PSMB10: variants seen among roughly 807,000 people sequenced by gnomAD.
PSMB10 encodes the protein proteasome 20S subunit beta 10.
Under a neutral mutation model 29.8 loss-of-function variants are expected in PSMB10, and 29 were observed. That is an observed-to-expected ratio of 0.97 (90% confidence interval 0.73 to 1.33). The LOEUF (loss-of-function observed/expected upper bound fraction) is 1.33, where lower values mean the gene tolerates loss of function less well. Ranked by LOEUF, PSMB10 falls within the 40% of genes most tolerant of loss-of-function variation. The pLI is 0.00. For synonymous variants in PSMB10, 157 were observed against 164.7 expected (o/e 0.95, Z 0.36); for missense variants, 327 against 369.2 (o/e 0.89, Z 0.94).
rs2058260470 is a variant in PSMB10, at chr16:67,935,697, C to T, written c.384G>A (p.Arg128=). 1 of 1,613,536 alleles carries T rather than the reference C, an allele frequency of 6.2e-7. No individual in the cohort carries two copies. The highest frequency in any genetic ancestry group is 8.5e-7 in the Non-Finnish European group (1 of 1,179,936). Residue 128 remains arginine, a splice_region_variant and synonymous_variant, in exon 5 of 8, where the codon AGG becomes AGA. Coordinates refer to ENST00000358514, the MANE Select transcript of PSMB10 (RefSeq NM_002801.4). ...VTRILRQTLF[R]YQGHVGASLI... ...GCGATGCACCCACGTGGCCCTGGTA[C>T]CTGCTCGAGGATGGGCGGGGTCGGC...
chr16:67,935,824 C>A, intron 4 of PSMB10, 127 bp from the exon 5 acceptor site: 1 of 1,480,604 alleles, frequency 6.8e-7, no homozygotes, highest in East Asian at 2.4e-5. Flanking sequence ...TCGCCTTTTC[C>A]TGTAGCCCAG....
At chr16:67,936,611 CT>C in intron 1 of PSMB10, 82 bp downstream of exon 1, 9 of 1,461,624 alleles carry the variant, frequency 6.2e-6, no homozygotes, top group Non-Finnish European at 7.4e-6. Context: ...CCAACACACC[CT>C]CCCCCACCCC....
At position 67,936,494 on chromosome 16, in the gene PSMB10, G is replaced by A. The variant is rs1264256418; in HGVS notation, c.57-9C>T. 6.2e-6 allele frequency: 10 copies of A among 1,609,774 alleles called. No homozygotes were observed. Among genetic ancestry groups the A allele is most frequent in the Non-Finnish European group, 7.6e-6 (9 of 1,177,828 alleles). On this transcript the variant is annotated splice_polypyrimidine_tract_variant and intron_variant, in intron 1 of 7. Coordinates refer to ENST00000358514, the MANE Select transcript of PSMB10 (RefSeq NM_002801.4). ...GTTCCAATGATGCATTTCTGGAAAC[G>A]GAGGAGGGCGCCCATGTTTCGGCTC...
chr16:67,934,963 G>C lies in PSMB10; in HGVS notation c.559-15C>G. ...GCAGCCTCCAGCTGCGGTGATGGGT[G>C]TGTGAGACCTAACGGGCTCTCTCTG... is the stretch of plus-strand genomic sequence containing the variant. On this transcript the variant is annotated splice_polypyrimidine_tract_variant and intron_variant, in intron 6 of 7. Transcript: ENST00000358514. This position sits in a 1 kb window ranked among gnomAD's most constrained non-coding sequence, Gnocchi z 4.3. 2 of 1,607,854 alleles carry C rather than the reference G, an allele frequency of 1.2e-6. No homozygotes were observed. The highest frequency in any genetic ancestry group is 1.7e-6 in the Non-Finnish European group (2 of 1,179,626).
At chr16:67,935,553 G>T (rs1598199742) in intron 5 of PSMB10, 29 bp downstream of exon 5, 1 of 1,613,956 alleles carries the variant, frequency 6.2e-7, no homozygotes, top group Non-Finnish European at 8.5e-7. Flanking sequence ...CAGGGGCAGA[G>T]TTCGAGGAGA....
In PSMB10 at chr16:67,936,471, T is replaced by A; in HGVS notation, c.71A>T (p.Glu24Val). ...GACCTTGAGCCCCGGGAGGACGCGT[T>A]CCAATGATGCATTTCTGGAAACGGA... is the stretch of plus-strand genomic sequence containing the variant. ...FENCQRNASLERVLPGLKVPH... is the reference protein window; with the variant it reads ...FENCQRNASLVRVLPGLKVPH... Residue 24 changes from glutamate (E) to valine (V), a missense_variant, in exon 2 of 8, where the codon GAA (glutamate) becomes GTA (valine). Coordinates refer to ENST00000358514, the MANE Select transcript of PSMB10 (RefSeq NM_002801.4). 6.2e-7 allele frequency: 1 copy of A among 1,613,362 alleles called. No homozygotes were observed. The highest frequency in any genetic ancestry group is 1.1e-5 in the South Asian group (1 of 91,020).
chr16:67,935,309 C>T, intron 6 of PSMB10, 111 bp downstream of exon 6: 5 of 1,355,728 alleles, frequency 3.7e-6, no homozygotes, highest in Non-Finnish European at 5.1e-6. Flanking sequence ...TCAGTGGTCA[C>T]CTCCTCCGAC....
At chr16:67,935,127 A>G (rs2058257839) in intron 6 of PSMB10, 179 bp from the exon 7 acceptor site, 7 of 818,206 alleles carry the variant, frequency 8.6e-6, no homozygotes, top group Non-Finnish European at 1.3e-5. Flanking sequence ...TCCCACCCCA[A>G]ACAAAATCTA....
At chr16:67,935,175 C>G (rs2058258023) in intron 6 of PSMB10, 2 of 701,118 alleles carry the variant, frequency 2.9e-6, no homozygotes, top group Non-Finnish European at 4.7e-6. Context: ...CCTACTGGTC[C>G]TTCTCTCCGC....
In PSMB10 at chr16:67,936,190, CG is replaced by C. The variant is rs747274038; in HGVS notation, c.242+24del. 3.0e-5 allele frequency: 48 copies of C among 1,612,606 alleles called. No individual in the cohort carries two copies. The East Asian group carries it at 1.0e-3, about 35-fold the overall frequency. On this transcript the variant is annotated intron_variant, in intron 3 of 7. Coordinates refer to ENST00000358514, the MANE Select transcript of PSMB10 (RefSeq NM_002801.4). ...CGAGGGGGCCGTTCTTTTTTGCGTACGGGAACTGGGCTCGGGAGTCTCACTA... is the reference window on the plus strand; with the variant it reads ...CGAGGGGGCCGTTCTTTTTTGCGTACGGAACTGGGCTCGGGAGTCTCACTA...
At position 67,936,292 on chromosome 16, in the gene PSMB10, G is replaced by A. The variant is rs2058263618; in HGVS notation, c.165C>T (p.Ala55=). Residue 55 remains alanine (A), a synonymous_variant, in exon 3 of 8, where the codon GCC becomes GCT. Coordinates refer to ENST00000358514, the MANE Select transcript of PSMB10 (RefSeq NM_002801.4). ...LVFQDGVILG[A]DTRATNDSVV... ...CCGAATCGTTAGTGGCTCGCGTATC[G>A]GCGCCCAGAATGACCCCGTCCTGAG... is the stretch of plus-strand genomic sequence containing the variant. The A allele has an allele frequency of 6.2e-7, 1 of 1,613,070 alleles. No homozygotes were observed. The highest frequency in any genetic ancestry group is 1.7e-5 in the Admixed American group (1 of 59,968).
Position 67,934,941 on chromosome 16 carries a change from G to A in PSMB10, c.566C>T (p.Ala189Val), listed in dbSNP as rs1423475082. 4.3e-6 allele frequency: 7 copies of A among 1,611,110 alleles called. No individual in the cohort carries two copies. Among genetic ancestry groups the A allele is most frequent in the African/African-American group, 1.3e-5 (1 of 75,036 alleles). The change falls in exon 7 of 8, where the codon GCT becomes GTT. Residue 189 changes from alanine to valine, a missense_variant. By Grantham distance (64) the Ala-to-Val change is moderately conservative. Coordinates refer to ENST00000358514, the MANE Select transcript of PSMB10 (RefSeq NM_002801.4). The surrounding 1 kb of genome is among the most constrained non-coding windows in gnomAD (Gnocchi z 4.3). The stretch of plus-strand genomic sequence containing the variant: ...GGCTTCCACCAGCAGCCCCTGAGCA[G>A]CCTCCAGCTGCGGTGATGGGTGTGT... ...DRFQPNMTLE[A>V]AQGLLVEAVT...
intron 5 of PSMB10, 44 bp from the exon 6 acceptor site, chr16:67,935,522 TTTGGA>T: frequency 6.2e-7 from 1 of 1,613,904 alleles, no homozygotes; most frequent in Non-Finnish European, 8.5e-7. Flanking sequence ...TGCGACGCCG[TTTGGA>T]GTGAGGCCAA....
Position 67,935,617 on chromosome 16 carries a change from T to C in PSMB10, c.464A>G (p.His155Arg), listed in dbSNP as rs750969201. 2.7e-5 allele frequency: 44 copies of C among 1,614,088 alleles called. No individual in the cohort carries two copies. Among genetic ancestry groups the C allele is most frequent in the Non-Finnish European group, 3.7e-5 (44 of 1,180,044 alleles). Residue 155 changes from histidine (H) to arginine (R), a missense_variant, in exon 5 of 8, where the codon CAT becomes CGT. Coordinates refer to ENST00000358514, the MANE Select transcript of PSMB10 (RefSeq NM_002801.4). ...TGPQLYGVHP[H>R]GSYSRLPFTA... ...GAAGGGCAGACGGCTGTAGGAGCCA[T>C]GGGGATGCACACCGTAGAGCTGCGG...
intron 1 of PSMB10, 98 bp downstream of exon 1, chr16:67,936,596 G>C: frequency 6.9e-7 from 1 of 1,457,204 alleles, no homozygotes; most frequent in East Asian, 2.5e-5. Flanking sequence ...TGGAACCCAA[G>C]TCGACCAACA....
chr16:67,936,811 C>T lies in PSMB10; in HGVS notation c.-62G>A. 7.1e-7 allele frequency: 1 copy of T among 1,412,326 alleles called. No homozygotes were observed. The highest frequency in any genetic ancestry group is 9.7e-7 in the Non-Finnish European group (1 of 1,028,500). The allele number at this position is 1,412,326 out of a possible 1,614,324, so 87.5% of individuals were successfully genotyped here. ...GATGAGTCGGCCAGACAAGCGGGGC[C>T]AGTGAGCAGCTAAAAAGTCCTCTGC... On this transcript the variant is annotated 5_prime_UTR_variant, in exon 1 of 8. Transcript: ENST00000358514.
intron 3 of PSMB10, 52 bp from the exon 4 acceptor site, chr16:67,936,155 G>C (rs2058262918): frequency 1.2e-6 from 2 of 1,608,754 alleles, no homozygotes; most frequent in African/African-American, 1.3e-5. Context: ...TGCGGGGACC[G>C]GAGTGGGAAC....
chr16:67,934,843 C>T lies in PSMB10; in HGVS notation c.664G>A (p.Ala222Thr), dbSNP rs779713631. The change falls in exon 7 of 8, where the codon GCC becomes ACC. Residue 222 changes from alanine (A) to threonine (T), a missense_variant. Coordinates refer to ENST00000358514, the MANE Select transcript of PSMB10 (RefSeq NM_002801.4). This position sits in a 1 kb window ranked among gnomAD's most constrained non-coding sequence, Gnocchi z 4.3. ...VDACVITKTG[A>T]KLLRTLSSPT... Reference sequence around the variant, plus strand: ...GAGCTCAGTGTCCGCAGCAGCTTGGCGCCAGTCTTTGTGATCACACATGCG... The same window carrying T: ...GAGCTCAGTGTCCGCAGCAGCTTGGTGCCAGTCTTTGTGATCACACATGCG... 24 of 1,613,944 alleles carry T rather than the reference C, an allele frequency of 1.5e-5. No homozygotes were observed. The highest frequency in any genetic ancestry group is 2.2e-5 in the South Asian group (2 of 91,090).
chr16:67,936,166 G>C (rs1024997597), intron 3 of PSMB10, 49 bp downstream of exon 3: 19 of 1,610,466 alleles, frequency 1.2e-5, no homozygotes, highest in Non-Finnish European at 1.6e-5. Flanking sequence ...GAGTGGGAAC[G>C]AGGGGGCCGT....
Sources: allele counts gnomAD v4.1 joint callset, GRCh38; gene constraint gnomAD v4.1.1; non-coding constraint Gnocchi (gnomAD v3.1); transcripts MANE v1.5; gene names NCBI Gene and HGNC (gene_info 2026-07-23, HGNC 2026-07-21).